The following PDE4D variants were observed in gnomAD, a reference collection of about 807,000 sequenced individuals.
The protein encoded by PDE4D is 3',5'-cyclic-AMP phosphodiesterase 4D.
Under a neutral mutation model 87.4 loss-of-function variants are expected in PDE4D, and 24 were observed. That is an observed-to-expected ratio of 0.27 (90% CI 0.20 to 0.39). PDE4D has a LOEUF of 0.39. PDE4D is among the 10% of genes least tolerant of loss of function. PDE4D has a pLI of 1.00. For missense variants in PDE4D, 714 were observed against 1,041.0 expected (o/e 0.69, Z 4.32); for synonymous variants, 384 against 383.2 (o/e 1.00, Z -0.02).
intron 5 of PDE4D, among the ~76,000 whole-genome samples, chr5:59,124,198 G>A (rs1775027946): frequency 1.3e-5 from 2 of 152,190 alleles, no homozygotes; most frequent in Admixed American, 1.3e-4. Context: ...TGAGTGAGGA[G>A]TTCTATTTGT....
intron 6 of PDE4D, among the ~76,000 whole-genome samples, chr5:59,024,388 C>T (rs1042723202): frequency 1.3e-5 from 2 of 151,548 alleles, no homozygotes; most frequent in African/African-American, 4.8e-5. Context: ...TTAGGAGAGA[C>T]GGGATTTCAC....
intron 1 of PDE4D, among the ~76,000 whole-genome samples, chr5:59,432,878 T>C (rs960442577): frequency 1.3e-5 from 2 of 152,152 alleles, no homozygotes; most frequent in African/African-American, 2.4e-5. Flanking sequence ...ATTTGCATAA[T>C]TATGAAGAGA....
At chr5:59,486,154 G>A (rs978505359) in intron 1 of PDE4D, among the ~76,000 whole-genome samples, 1 of 152,042 alleles carries the variant, frequency 6.6e-6, no homozygotes, top group Non-Finnish European at 1.5e-5. Flanking sequence ...AATTTATCTT[G>A]TATAGGTTCA....
chr5:59,865,716 A>G (rs1156676598), intron 1 of PDE4D, among the ~76,000 whole-genome samples: 3 of 152,234 alleles, frequency 2.0e-5, no homozygotes, highest in Admixed American at 2.0e-4. Flanking sequence ...GTCATTTACT[A>G]TAGTAATAAT....
At chr5:60,208,914 A>T (rs1007221265) in intron 1 of PDE4D, among the ~76,000 whole-genome samples, 3 of 152,266 alleles carry the variant, frequency 2.0e-5, no homozygotes, top group African/African-American at 7.2e-5. Flanking sequence ...GACAGATGGG[A>T]TCTACAGGAA....
chr5:58,976,522 A>G (rs749897639), intron 12 of PDE4D, 50 bp from the exon 13 acceptor site: 2 of 1,363,148 alleles, frequency 1.5e-6, no homozygotes, highest in South Asian at 2.6e-5. Flanking sequence ...GAATTTACAC[A>G]TGAAAATATT....
intron 1 of PDE4D, among the ~76,000 whole-genome samples, chr5:59,761,882 G>A (rs1561613481): frequency 6.6e-6 from 1 of 152,060 alleles, no homozygotes; most frequent in Non-Finnish European, 1.5e-5. Flanking sequence ...AACTATATAT[G>A]CTATATGTTT....
At chr5:60,490,028 A>G (rs61744142), upstream of PDE4D, 12 of 152,256 alleles carry the variant, frequency 7.9e-5, no homozygotes, top group African/African-American at 2.9e-4. Context: ...AACCATCCGC[A>G]GTCATTCAAG....
chr5:60,514,655 T>C (rs990523306), intron 1 of PDE4D, among the ~76,000 whole-genome samples: 4 of 152,106 alleles, frequency 2.6e-5, no homozygotes, highest in Admixed American at 6.5e-5. Context: ...AGAAAACTCT[T>C]AGCAAACTAG....
intron 1 of PDE4D, among the ~76,000 whole-genome samples, chr5:59,405,813 T>C (rs1399881211): frequency 6.6e-6 from 1 of 152,242 alleles, no homozygotes; most frequent in Non-Finnish European, 1.5e-5. Context: ...TGTCCTTCAT[T>C]GATATGATGT....
rs534737949 is a variant in PDE4D at position 59,112,830 on chromosome 5, C to T, written c.808+67765G>A. 6.7e-4 allele frequency among the ~76,000 whole-genome samples: 92 copies of T among 137,474 alleles called. No individual in the cohort carries two copies. In the South Asian group the frequency reaches 0.02, roughly 29 times the overall value. 90.2% of individuals were successfully genotyped at this position (137,474 alleles called of 152,430 possible). A position where few individuals can be genotyped will look rare whatever the true frequency, so the allele number is the denominator to read the frequency against. ...TTTTTTTTTTTTTGAGACAGAGTTT[C>T]GCTCTTGTTGCCCAGGCTGGAGTGC... is the stretch of plus-strand genomic sequence containing the variant. On this transcript the variant is annotated intron_variant, in intron 5 of 14. Coordinates refer to ENST00000340635, the MANE Select transcript of PDE4D (RefSeq NM_001104631.2).
intron 1 of PDE4D, among the ~76,000 whole-genome samples, chr5:60,387,541 G>A (rs1343792636): frequency 1.3e-5 from 2 of 152,210 alleles, no homozygotes; most frequent in East Asian, 3.8e-4. Flanking sequence ...ATGGGTGACA[G>A]GGGCAGAGAT....
chr5:59,126,588 G>A (rs1418609595), intron 5 of PDE4D, among the ~76,000 whole-genome samples: 2 of 152,158 alleles, frequency 1.3e-5, no homozygotes, highest in African/African-American at 4.8e-5. Flanking sequence ...TCATTACTGT[G>A]CATATCTCTC....
In PDE4D at chr5:58,976,425, C is replaced by A. The variant is rs1435057344; in HGVS notation, c.1755G>T (p.Leu585Phe). Residue 585 changes from leucine to phenylalanine, a missense_variant, in exon 13 of 15, where the codon TTG (leucine) becomes TTT (phenylalanine). Physicochemically the swap from Leu to Phe is conservative, Grantham distance 22 (BLOSUM62 0). Around this residue, in one of 7 missense-constraint regions of PDE4D, gnomAD observed 26 missense variants for 96.9 expected, o/e 0.27. Coordinates refer to ENST00000340635, the MANE Select transcript of PDE4D (RefSeq NM_001104631.2). ...MSKHMNLLAD[L>F]KTMVETKKVT... is the part of the protein sequence containing the mutation. ...CTTTCTTAGTTTCAACCATAGTCTT[C>A]AAATCAGCCAGTAGATTCATGTGTT... is the stretch of plus-strand genomic sequence containing the variant. The A allele has an allele frequency of 6.3e-7, 1 of 1,598,562 alleles. No individual in the cohort carries two copies. Among genetic ancestry groups the A allele is most frequent in the Non-Finnish European group, 8.5e-7 (1 of 1,171,906 alleles).
intron 5 of PDE4D, among the ~76,000 whole-genome samples, chr5:59,078,304 T>C (rs1766065214): frequency 6.6e-6 from 1 of 152,112 alleles, no homozygotes; most frequent in African/African-American, 2.4e-5. Flanking sequence ...CTCCAAAACA[T>C]AGTAAGTGCA....
intron 1 of PDE4D, among the ~76,000 whole-genome samples, chr5:60,297,847 A>G (rs1753546270): frequency 6.6e-6 from 1 of 152,222 alleles, no homozygotes; most frequent in African/African-American, 2.4e-5. Context: ...TTAATTTAGC[A>G]CAGCCAAAGA....
chr5:59,212,307 C>T (rs1750260287), intron 2 of PDE4D, among the ~76,000 whole-genome samples: 1 of 152,078 alleles, frequency 6.6e-6, no homozygotes, highest in African/African-American at 2.4e-5. Flanking sequence ...ATTTCCTTTT[C>T]CTTCCACAGA....
At chr5:59,074,136 A>G (rs1205908736) in intron 5 of PDE4D, among the ~76,000 whole-genome samples, 4 of 152,360 alleles carry the variant, frequency 2.6e-5, no homozygotes, top group East Asian at 3.9e-4. Context: ...TCTGTCACAC[A>G]TAATTCAAGG....
In PDE4D at chr5:60,383,402, C is replaced by T. The variant is rs138717499; in HGVS notation, c.-90+104540G>A. Among the ~76,000 whole-genome samples, 10 of 152,282 alleles carry T rather than the reference C, an allele frequency of 6.6e-5. No homozygotes were observed. The East Asian group carries it at 1.9e-3, about 29-fold the overall frequency. ...AGTTGTACTTTCCAGAAAGCAATTG[C>T]CTAATGGAAATGCCTTCCATTTCTC... is the stretch of plus-strand genomic sequence containing the variant. On this transcript the variant is annotated intron_variant, in intron 1 of 16. Coordinates refer to the PDE4D transcript ENST00000502484.
Sources: gnomAD v4.1 joint callset for allele counts (sites outside exome capture counted in the v4.1 genomes callset) on GRCh38, gnomAD v4.1.1 for gene constraint, gnomAD v4.1.1 regional missense constraint, MANE v1.5 for transcripts, NCBI Gene and HGNC (gene_info 2026-07-23, HGNC 2026-07-21) for gene names.